The following RORA variants were observed in gnomAD, a reference collection of about 807,000 sequenced individuals.
RORA encodes the protein nuclear receptor ROR-alpha.
RORA carries 7 observed loss-of-function variants against 69.5 expected under a neutral mutation model. The ratio of observed to expected loss-of-function variants is 0.10; its 90% CI spans 0.06 to 0.19. The LOEUF is 0.19. RORA is among the 10% of genes least tolerant of loss of function. The probability of loss-of-function intolerance (pLI) is 1.00; values close to 1 mark genes in which losing one functional copy is unlikely to be tolerated. For missense variants in RORA, 457 were observed against 663.0 expected (o/e 0.69, Z 3.41); for synonymous variants, 261 against 240.8 (o/e 1.08, Z -0.78).
intron 1 of RORA, among the ~76,000 whole-genome samples, chr15:60,698,634 T>TC (rs1367332449): frequency 4.0e-5 from 6 of 150,094 alleles, no homozygotes; most frequent in African/African-American, 1.5e-4. Context: ...ATTTGTGTTT[T>TC]TTTTTTTTTT....
chr15:60,959,286 A>T (rs760168989), intron 1 of RORA, among the ~76,000 whole-genome samples: 1 of 152,248 alleles, frequency 6.6e-6, no homozygotes, highest in Non-Finnish European at 1.5e-5. Context: ...CAAAATATAC[A>T]TTAAAAAATC....
chr15:60,943,461 G>A (rs1230211804), intron 1 of RORA, among the ~76,000 whole-genome samples: 1 of 152,072 alleles, frequency 6.6e-6, no homozygotes, highest in Non-Finnish European at 1.5e-5. Flanking sequence ...CTTGATCAGG[G>A]TTTTGAGAGG....
intron 1 of RORA, among the ~76,000 whole-genome samples, chr15:61,103,582 T>C (rs1422697939): frequency 6.6e-6 from 1 of 152,096 alleles, no homozygotes; most frequent in Non-Finnish European, 1.5e-5. Flanking sequence ...TCTGGCTCCA[T>C]TACCACTAAG....
rs529290655 is a variant in RORA at position 61,224,974 on chromosome 15, T to C, written c.166+4079A>G. 7.9e-5 allele frequency among the ~76,000 whole-genome samples: 12 copies of C among 152,262 alleles called. No individual in the cohort carries two copies. The East Asian group carries it at 2.3e-3, about 29-fold the overall frequency. On this transcript the variant is annotated intron_variant, in intron 1 of 10. Transcript: ENST00000335670. ...AAGGGCTCCTCACCATGCCAGTAGG[T>C]ATTGGAAAATTCCAGCAGGTGACTA...
intron 1 of RORA, among the ~76,000 whole-genome samples, chr15:60,876,123 C>G (rs1055517420): frequency 6.6e-6 from 1 of 152,166 alleles, no homozygotes; most frequent in Non-Finnish European, 1.5e-5. Flanking sequence ...CAGATTTCTA[C>G]TATTTCAAGC....
At chr15:60,569,261 T>TAAAAAAAAAAAA (rs60382168) in intron 2 of RORA, among the ~76,000 whole-genome samples, 1 of 89,630 alleles carries the variant, frequency 1.1e-5, no homozygotes, top group African/African-American at 3.5e-5. Flanking sequence ...TTTAAAAAAT[T>TAAAAAAAAAAAA]AAAAAAAAAA....
chr15:60,983,181 T>C (rs988121389), intron 1 of RORA, among the ~76,000 whole-genome samples: 8 of 151,920 alleles, frequency 5.3e-5, no homozygotes, highest in Admixed American at 2.6e-4. Flanking sequence ...GAAAGAGTGG[T>C]TGGACATGTT....
intron 1 of RORA, among the ~76,000 whole-genome samples, chr15:60,680,607 A>G (rs2070629081): frequency 6.6e-6 from 1 of 152,156 alleles, no homozygotes; most frequent in Admixed American, 6.5e-5. Flanking sequence ...TCGGTCCCTC[A>G]GTTTTGTTTA....
At chr15:60,628,127 G>A (rs906174039) in intron 2 of RORA, among the ~76,000 whole-genome samples, 1 of 152,172 alleles carries the variant, frequency 6.6e-6, no homozygotes, top group African/African-American at 2.4e-5. Context: ...GTATGTTACT[G>A]ATTATTTCGC....
At chr15:60,726,036 A>G (rs2071352750) in intron 1 of RORA, among the ~76,000 whole-genome samples, 2 of 152,168 alleles carry the variant, frequency 1.3e-5, no homozygotes, top group Admixed American at 1.3e-4. Context: ...AATGATTTAC[A>G]CACCTGATTT....
At chr15:61,221,622 T>C (rs1254051089) in intron 1 of RORA, among the ~76,000 whole-genome samples, 1 of 152,194 alleles carries the variant, frequency 6.6e-6, no homozygotes, top group Non-Finnish European at 1.5e-5. Flanking sequence ...CTTACTTCTT[T>C]CACACACGCC....
chr15:60,561,082 G>GTTTTTTTTTTTTTTTTTTTT (rs571970599), intron 2 of RORA, among the ~76,000 whole-genome samples: 1 of 122,052 alleles, frequency 8.2e-6, no homozygotes, highest in African/African-American at 3.1e-5. Context: ...TTTTGTTTTT[G>GTTTTTTTTTTTTTTTTTTTT]TTTTTTTTTT....
At chr15:60,877,593 AT>A (rs1268942751) in intron 1 of RORA, among the ~76,000 whole-genome samples, 1 of 152,196 alleles carries the variant, frequency 6.6e-6, no homozygotes, top group Non-Finnish European at 1.5e-5. Context: ...TCTCATTGTT[AT>A]TATAACACTG....
chr15:61,136,740 A>G (rs1296695012), intron 1 of RORA, among the ~76,000 whole-genome samples: 1 of 152,190 alleles, frequency 6.6e-6, no homozygotes, highest in Non-Finnish European at 1.5e-5. Flanking sequence ...GCTAATCATA[A>G]TGATGGCAAT....
intron 1 of RORA, among the ~76,000 whole-genome samples, chr15:60,890,819 C>T (rs994344815): frequency 3.3e-5 from 5 of 152,148 alleles, no homozygotes; most frequent in African/African-American, 1.2e-4. Context: ...CAATGCTTGC[C>T]GTGGTAATTC....
intron 1 of RORA, among the ~76,000 whole-genome samples, chr15:61,137,091 GAAAGAAAGA>G (rs2079252288): frequency 7.1e-6 from 1 of 141,844 alleles, no homozygotes; most frequent in South Asian, 2.3e-4. Context: ...AAGAAAGAAA[GAAAGAAAGA>G]AAAAAGCAAG....
At chr15:60,727,779 T>G (rs2071379817) in intron 1 of RORA, among the ~76,000 whole-genome samples, 1 of 152,084 alleles carries the variant, frequency 6.6e-6, no homozygotes, top group Non-Finnish European at 1.5e-5. Flanking sequence ...GGATCTCAGA[T>G]CCCATGAGAT....
intron 1 of RORA, among the ~76,000 whole-genome samples, chr15:60,854,904 C>T (rs1446658124): frequency 2.0e-5 from 3 of 152,230 alleles, no homozygotes; most frequent in African/African-American, 4.8e-5. Flanking sequence ...ATCACCACTA[C>T]TCCAAACTCA....
intron 1 of RORA, among the ~76,000 whole-genome samples, chr15:61,228,658 CT>C (rs1350691892): frequency 6.6e-6 from 1 of 152,076 alleles, no homozygotes; most frequent in Non-Finnish European, 1.5e-5. Flanking sequence ...TTTGCCCCTT[CT>C]TAAAAGGACA....
Sources: allele counts gnomAD v4.1 joint callset (sites outside exome capture counted in the v4.1 genomes callset), GRCh38; gene constraint gnomAD v4.1.1; transcripts MANE v1.5; gene names NCBI Gene and HGNC (gene_info 2026-07-23, HGNC 2026-07-21).